The following TNFSF11 variants were observed in gnomAD, a reference collection of about 807,000 sequenced individuals.
TNFSF11 encodes TNF superfamily member 11.
A neutral mutation model predicts 32.2 loss-of-function variants in TNFSF11; 12 were observed. The ratio of observed to expected loss-of-function variants is 0.37; its 90% CI spans 0.24 to 0.60. The LOEUF (loss-of-function observed/expected upper bound fraction) is 0.60. Among genes scored for constraint, TNFSF11 ranks in the 20% least tolerant of loss-of-function variants. TNFSF11 has a pLI of 0.66. For missense variants in TNFSF11, 345 were observed against 398.0 expected (o/e 0.87, Z 1.13); for synonymous variants, 172 against 152.1 (o/e 1.13, Z -0.96).
At chr13:42,584,004 T>C (rs534431804) in intron 2 of TNFSF11, among the ~76,000 whole-genome samples, 27 of 152,246 alleles carry the variant, frequency 1.8e-4, no homozygotes, top group Non-Finnish European at 3.2e-4. Flanking sequence ...TTCAAATAAC[T>C]AGAAAACATG....
upstream of TNFSF11, among the ~76,000 whole-genome samples, chr13:42,572,519 C>T (rs143689087): frequency 2.2e-4 from 34 of 151,988 alleles, no homozygotes; most frequent in Non-Finnish European, 4.7e-4. Context: ...GAGGAGGAGA[C>T]AATAAACCTA....
At chr13:42,596,494 G>A (rs1391051446) in intron 2 of TNFSF11, among the ~76,000 whole-genome samples, 2 of 152,090 alleles carry the variant, frequency 1.3e-5, no homozygotes, top group African/African-American at 2.4e-5. Context: ...ATTTTATGAC[G>A]ATGGCTTGTA....
Position 42,580,086 on chromosome 13 carries a change from G to A in TNFSF11, c.220-1040G>A, listed in dbSNP as rs375718431. ...ATTTGACTGAGCTTTGTAATCTCAC[G>A]TAGCTTTTCTTTTTCGCTTAGTTTG... On this transcript the variant is annotated intron_variant, in intron 1 of 4. Transcript: ENST00000398795. Among the ~76,000 whole-genome samples the A allele has an allele frequency of 1.1e-4, 17 of 152,152 alleles. No homozygotes were observed. The South Asian group carries it at 1.7e-3, about 15-fold the overall frequency.
rs199501491 is a variant in TNFSF11, at chr13:42,607,048, C to T, written c.*130C>T. On this transcript the variant is annotated 3_prime_UTR_variant, in exon 5 of 5. Transcript: ENST00000398795. ...GCCCCAACGGTACACGACTCAGTATCCATGCTCTTGACCTTGTAGAGAACA... is the reference window on the plus strand; with the variant it reads ...GCCCCAACGGTACACGACTCAGTATTCATGCTCTTGACCTTGTAGAGAACA... 93 of 1,176,072 alleles carry T rather than the reference C, an allele frequency of 7.9e-5. No homozygotes were observed. The African/African-American group carries it at 1.3e-3, about 16-fold the overall frequency. The allele number at this position is 1,176,072 out of a possible 1,614,324, so 72.9% of individuals were successfully genotyped here. A position where few individuals can be genotyped will look rare whatever the true frequency, so the allele number is the denominator to read the frequency against.
chr13:42,577,312 AT>A (rs1873368961), intron 1 of TNFSF11, among the ~76,000 whole-genome samples: 1 of 152,240 alleles, frequency 6.6e-6, no homozygotes, highest in African/African-American at 2.4e-5. Context: ...GTTTTCTTAA[AT>A]GTTTGAATAG....
intron 2 of TNFSF11, 109 bp downstream of exon 2, chr13:42,581,402 T>C (rs1343528464): frequency 1.6e-6 from 2 of 1,251,552 alleles, no homozygotes; most frequent in African/African-American, 3.0e-5. Context: ...TTCTAATAAT[T>C]TGTAAAAGAG....
At chr13:42,567,433 T>A (rs1474316619) in intron 2 of TNFSF11, among the ~76,000 whole-genome samples, 4 of 152,222 alleles carry the variant, frequency 2.6e-5, no homozygotes, top group African/African-American at 9.6e-5. Context: ...ACTTCCTTCA[T>A]ACATGACCAA....
At chr13:42,568,880 T>A (rs1267664052) in intron 2 of TNFSF11, among the ~76,000 whole-genome samples, 1 of 152,216 alleles carries the variant, frequency 6.6e-6, no homozygotes. Context: ...TAGCCACACT[T>A]ATAAATTAGT....
chr13:42,599,345 CT>C (rs747510197), intron 2 of TNFSF11, among the ~76,000 whole-genome samples: 4,599 of 97,708 alleles, frequency 0.047, 87 homozygotes, highest in African/African-American at 0.066. Context: ...ATCTATCTAT[CT>C]ATCATCTATC....
At chr13:42,597,262 G>A (rs1182991585) in intron 2 of TNFSF11, among the ~76,000 whole-genome samples, 12 of 151,220 alleles carry the variant, frequency 7.9e-5, no homozygotes, top group Admixed American at 7.9e-4. Flanking sequence ...CACCCAAAAG[G>A]TATAAAATGA....
At chr13:42,593,315 C>G (rs746043296) in intron 2 of TNFSF11, among the ~76,000 whole-genome samples, 15 of 152,274 alleles carry the variant, frequency 9.9e-5, no homozygotes, top group Middle Eastern at 6.8e-3. Context: ...GCCTTCTAAG[C>G]CCTGGTAAGG....
At chr13:42,581,066 T>C in intron 1 of TNFSF11, 60 bp from the exon 2 acceptor site, 2 of 1,580,426 alleles carry the variant, frequency 1.3e-6, no homozygotes, top group South Asian at 2.2e-5. Flanking sequence ...TCACACTGTA[T>C]TAAATAGCAG....
In TNFSF11 at chr13:42,604,716, G is replaced by A. The variant is rs1869357001; in HGVS notation, c.533-1781G>A. ...TGGGCCTCTAGAGAAGGATGTAGAT[G>A]TTCAAGGCCCACCAAACCAGACTAG... On this transcript the variant is annotated intron_variant, in intron 4 of 4. Transcript: ENST00000398795. Among the ~76,000 whole-genome samples the A allele has an allele frequency of 2.6e-5, 4 of 152,294 alleles. No individual in the cohort carries two copies. In the South Asian group the frequency reaches 8.3e-4, roughly 32 times the overall value.
chr13:42,607,084 C>A lies in TNFSF11; in HGVS notation c.*166C>A. The A allele has an allele frequency of 2.5e-6, 2 of 797,502 alleles. No homozygotes were observed. Among genetic ancestry groups the A allele is most frequent in the Non-Finnish European group, 3.9e-6 (2 of 508,018 alleles). 49.4% of individuals were successfully genotyped at this position (797,502 alleles called of 1,614,324 possible). On this transcript the variant is annotated 3_prime_UTR_variant, in exon 5 of 5. Transcript: ENST00000398795. The stretch of plus-strand genomic sequence containing the variant: ...ACCTTGTAGAGAACACGCGTATTTA[C>A]AGCCAGTGGGAGATGTTAGACTCAT...
intron 2 of TNFSF11, among the ~76,000 whole-genome samples, chr13:42,593,644 C>T (rs1216784837): frequency 3.3e-5 from 5 of 152,160 alleles, no homozygotes; most frequent in East Asian, 1.9e-4. Flanking sequence ...TGTGCTAACT[C>T]GGCTGATGAA....
chr13:42,579,707 T>C (rs1006396141), intron 1 of TNFSF11, among the ~76,000 whole-genome samples: 1 of 18,736 alleles, frequency 5.3e-5, no homozygotes, highest in Non-Finnish European at 1.4e-4. Flanking sequence ...GTAAGCCCTT[T>C]TTTTTTTTTT....
At chr13:42,585,348 G>A (rs1873838247) in intron 2 of TNFSF11, among the ~76,000 whole-genome samples, 1 of 152,200 alleles carries the variant, frequency 6.6e-6, no homozygotes, top group Admixed American at 6.5e-5. Flanking sequence ...AGTGGTAACA[G>A]ATACCAGACA....
At chr13:42,592,186 A>T (rs1001243673) in intron 2 of TNFSF11, among the ~76,000 whole-genome samples, 32 of 152,172 alleles carry the variant, frequency 2.1e-4, no homozygotes, top group Admixed American at 1.4e-3. Context: ...TATGATACTA[A>T]CTATTGGGAG....
chr13:42,571,447 C>G, upstream of TNFSF11: 1 of 152,044 alleles, frequency 6.6e-6, no homozygotes. Flanking sequence ...TAGCTTACTG[C>G]AGCTTCGACC....
Sources: gnomAD v4.1 joint callset for allele counts (sites outside exome capture counted in the v4.1 genomes callset) on GRCh38, gnomAD v4.1.1 for gene constraint, MANE v1.5 for transcripts, NCBI Gene and HGNC (gene_info 2026-07-23, HGNC 2026-07-21) for gene names.